HUS1: variants seen among roughly 807,000 people sequenced by gnomAD.
HUS1 encodes checkpoint protein HUS1.
In HUS1, 31 loss-of-function variants were observed where a neutral mutation model predicts 32.6. The ratio of observed to expected loss-of-function variants is 0.95; its 90% CI spans 0.72 to 1.28. HUS1 has a LOEUF of 1.28. Among genes scored for constraint, HUS1 ranks in the 50% most tolerant of loss-of-function variants. The pLI is 0.00. For missense variants in HUS1, 340 were observed against 337.7 expected (o/e 1.01, Z -0.05); for synonymous variants, 123 against 116.6 (o/e 1.06, Z -0.36).
rs1298985955 is a variant in HUS1 at position 47,965,201 on chromosome 7, G to A, written c.*155C>T. The A allele has an allele frequency of 1.8e-5, 10 of 546,944 alleles. No homozygotes were observed. Among genetic ancestry groups the A allele is most frequent in the Middle Eastern group, 8.8e-4 (2 of 2,280 alleles). The allele number at this position is 546,944 out of a possible 1,614,324, so 33.9% of individuals were successfully genotyped here. Reference sequence around the variant, plus strand: ...TATGTTTATCCAACTGTGTGTTGTTGAATCAACTTTTAGTTAAAATGTTAG... The same window carrying A: ...TATGTTTATCCAACTGTGTGTTGTTAAATCAACTTTTAGTTAAAATGTTAG... On this transcript the variant is annotated 3_prime_UTR_variant, in exon 8 of 8. Coordinates refer to ENST00000258774, the MANE Select transcript of HUS1 (RefSeq NM_004507.4).
In HUS1 at chr7:47,964,730, C is replaced by G. The variant is rs150443392; in HGVS notation, c.*626G>C. The G allele has an allele frequency of 2.0e-5, 3 of 152,244 alleles. No individual in the cohort carries two copies. Among genetic ancestry groups the G allele is most frequent in the African/African-American group, 4.8e-5 (2 of 41,440 alleles). The allele number at this position is 152,244 out of a possible 1,614,324, so 9.4% of individuals were successfully genotyped here. A position where few individuals can be genotyped will look rare whatever the true frequency, so the allele number is the denominator to read the frequency against. ...GGCAGAAGGAGCTCCCAGCTAAGAG[C>G]TGTGTTGGCTGGGCCAGCTCTCTAG... On this transcript the variant is annotated 3_prime_UTR_variant, in exon 8 of 8. Coordinates refer to ENST00000258774, the MANE Select transcript of HUS1 (RefSeq NM_004507.4).
At chr7:47,969,164 T>G in intron 6 of HUS1, 55 bp downstream of exon 6, 1 of 830,190 alleles carries the variant, frequency 1.2e-6, no homozygotes, top group Admixed American at 2.4e-5. Flanking sequence ...AACAGGTAGG[T>G]TATCTGAAAC....
At chr7:47,972,668 G>A (rs1260473988) in intron 5 of HUS1, among the ~76,000 whole-genome samples, 4 of 119,996 alleles carry the variant, frequency 3.3e-5, no homozygotes, top group East Asian at 2.5e-4. Flanking sequence ...AAAAACTGAC[G>A]AAGCCCCTGT....
intron 6 of HUS1, 48 bp from the exon 7 acceptor site, chr7:47,967,973 G>A: frequency 6.3e-7 from 1 of 1,582,444 alleles, no homozygotes; most frequent in Non-Finnish European, 8.6e-7. Flanking sequence ...CCACGTAACA[G>A]GAAACCTGGA....
intron 5 of HUS1, chr7:47,971,263 T>C (rs1788594243): frequency 8.3e-6 from 2 of 242,302 alleles, no homozygotes; most frequent in Non-Finnish European, 1.7e-5. Flanking sequence ...AACTCACATG[T>C]TGGAAAATGA....
chr7:47,977,004 A>T (rs1408826977), intron 3 of HUS1, among the ~76,000 whole-genome samples, 167 bp from the exon 4 acceptor site: 1 of 152,072 alleles, frequency 6.6e-6, no homozygotes, highest in Non-Finnish European at 1.5e-5. Context: ...GCCAATATTT[A>T]TGGAACAGAC....
intron 5 of HUS1, among the ~76,000 whole-genome samples, chr7:47,970,290 A>G (rs1335484720): frequency 6.6e-6 from 1 of 151,732 alleles, no homozygotes; most frequent in East Asian, 1.9e-4. Context: ...TGACACAACA[A>G]CATAAATCAG....
chr7:47,976,453 G>T (rs923184625), intron 4 of HUS1: 6 of 503,906 alleles, frequency 1.2e-5, no homozygotes, highest in Admixed American at 6.8e-5. Context: ...CTAAGGCCAA[G>T]AATACTAATA....
rs1788435444 is a variant in HUS1, at chr7:47,964,493, C to G, written c.*863G>C. On this transcript the variant is annotated 3_prime_UTR_variant, in exon 8 of 8. Transcript: ENST00000258774. ...GTTTCAGGGAGAATGAGCACATCTA[C>G]CAGTACTGAATCAGCTTTGATGTTC... 1 of 152,150 alleles carries G rather than the reference C, an allele frequency of 6.6e-6. No individual in the cohort carries two copies. Among genetic ancestry groups the G allele is most frequent in the Admixed American group, 6.5e-5 (1 of 15,276 alleles). 9.4% of individuals were successfully genotyped at this position (152,150 alleles called of 1,614,324 possible).
At chr7:47,973,160 T>A (rs1041435856) in intron 5 of HUS1, among the ~76,000 whole-genome samples, 1 of 152,190 alleles carries the variant, frequency 6.6e-6, no homozygotes, top group African/African-American at 2.4e-5. Flanking sequence ...TGAGGCCTCC[T>A]CAGCTATACA....
chr7:47,977,805 A>C (rs1788737215), intron 3 of HUS1, among the ~76,000 whole-genome samples: 1 of 152,182 alleles, frequency 6.6e-6, no homozygotes, highest in Non-Finnish European at 1.5e-5. Context: ...GAGGCATGAG[A>C]ATCGCTTGAA....
At chr7:47,969,713 GAAGT>G (rs1318048041) in intron 5 of HUS1, among the ~76,000 whole-genome samples, 2 of 152,178 alleles carry the variant, frequency 1.3e-5, no homozygotes, top group South Asian at 2.1e-4. Flanking sequence ...GGAACCACGG[GAAGT>G]AAGAGCCTCA....
At position 47,971,336 on chromosome 7, in the gene HUS1, C is replaced by T. The variant is rs1053931085; in HGVS notation, c.541-2018G>A. 9 of 359,596 alleles carry T rather than the reference C, an allele frequency of 2.5e-5. No individual in the cohort carries two copies. In the East Asian group the frequency reaches 7.1e-4, roughly 28 times the overall value. 22.3% of individuals were successfully genotyped at this position (359,596 alleles called of 1,614,324 possible). A position where few individuals can be genotyped will look rare whatever the true frequency, so the allele number is the denominator to read the frequency against. On this transcript the variant is annotated intron_variant, in intron 5 of 7. Transcript: ENST00000258774. Reference sequence around the variant, plus strand: ...GTTACCAGGACTGAGGATGGCTGAGCCAAACTCCACACGCCCAGGCTACCA... The same window carrying T: ...GTTACCAGGACTGAGGATGGCTGAGTCAAACTCCACACGCCCAGGCTACCA...
At chr7:47,965,572 CCA>C (rs1337497850) in intron 7 of HUS1, 134 bp from the exon 8 acceptor site, 3 of 630,844 alleles carry the variant, frequency 4.8e-6, no homozygotes, top group Non-Finnish European at 2.9e-6. Context: ...GCTGCAGAGA[CCA>C]CAGTCTCTCA....
intron 5 of HUS1, chr7:47,971,366 T>G: frequency 2.6e-6 from 1 of 388,694 alleles, no homozygotes; most frequent in Non-Finnish European, 5.2e-6. Context: ...CTACCAGACT[T>G]CTGCCATCCC....
At chr7:47,967,732 C>A in intron 7 of HUS1, 74 bp downstream of exon 7, 9 of 1,091,094 alleles carry the variant, frequency 8.2e-6, no homozygotes, top group South Asian at 5.6e-5. Context: ...TATATGCAAT[C>A]TGTTAGACTA....
chr7:47,966,037 GAT>G (rs1185453792), intron 7 of HUS1, among the ~76,000 whole-genome samples: 11 of 151,738 alleles, frequency 7.2e-5, no homozygotes, highest in Admixed American at 7.2e-4. Context: ...CTCTCCAGCA[GAT>G]ATGAGTGAGT....
At chr7:47,973,536 A>G (rs1562588997) in intron 5 of HUS1, among the ~76,000 whole-genome samples, 1 of 152,204 alleles carries the variant, frequency 6.6e-6, no homozygotes, top group African/African-American at 2.4e-5. Flanking sequence ...GCATTTAATG[A>G]AAGGAAGTAA....
rs530841489 is a variant in HUS1 at position 47,963,375 on chromosome 7, T to G, written c.*1981A>C. The G allele has an allele frequency of 2.0e-5, 3 of 152,360 alleles. No individual in the cohort carries two copies. The highest frequency in any genetic ancestry group is 7.2e-5 in the African/African-American group (3 of 41,584). The allele number at this position is 152,360 out of a possible 1,614,324, so 9.4% of individuals were successfully genotyped here. A position where few individuals can be genotyped will look rare whatever the true frequency, so the allele number is the denominator to read the frequency against. On this transcript the variant is annotated 3_prime_UTR_variant, in exon 8 of 8. Transcript: ENST00000258774. ...ATTAAAATCTTCAAAATTATATGTATTTGATAATAAACATCACATAGAGCA... is the reference window on the plus strand; with the variant it reads ...ATTAAAATCTTCAAAATTATATGTAGTTGATAATAAACATCACATAGAGCA...
Sources: allele counts gnomAD v4.1 joint callset (sites outside exome capture counted in the v4.1 genomes callset), GRCh38; gene constraint gnomAD v4.1.1; transcripts MANE v1.5; gene names NCBI Gene and HGNC (gene_info 2026-07-23, HGNC 2026-07-21).